Variants in CBR4 observed in about 807,000 individuals in gnomAD.
CBR4 encodes the protein carbonyl reductase 4, also known as 3-oxoacyl-[acyl-carrier-protein] reductase.
A neutral mutation model predicts 21.0 loss-of-function variants in CBR4; 22 were observed. The ratio of observed to expected loss-of-function variants is 1.05; its 90% CI spans 0.75 to 1.50. CBR4 has a LOEUF of 1.50. Among genes scored for constraint, CBR4 ranks in the 40% most tolerant of loss-of-function variants. The probability of loss-of-function intolerance (pLI) is 0.00; values close to 1 mark genes in which losing one functional copy is unlikely to be tolerated. For missense variants in CBR4, 302 were observed against 286.3 expected, an observed-to-expected ratio of 1.05 and a Z score of -0.40; for synonymous variants, 100 against 104.4, an observed-to-expected ratio of 0.96 and a Z score of 0.26.
chr4:168,985,733 T>C (rs1378121046), downstream of CBR4, among the ~76,000 whole-genome samples: 4 of 152,276 alleles, frequency 2.6e-5, 1 homozygote, highest in South Asian at 6.2e-4. Context: ...ATCATGACCT[T>C]TGCAGCAACA....
chr4:169,006,975 G>T, intron 2 of CBR4, 84 bp from the exon 3 acceptor site: 2 of 1,091,354 alleles, frequency 1.8e-6, no homozygotes, highest in Non-Finnish European at 1.4e-6. Context: ...TTTTTACTGA[G>T]AGTGCAAGAA....
At chr4:168,944,315 A>G (rs900065990) in intron 2 of CBR4, among the ~76,000 whole-genome samples, 7 of 151,808 alleles carry the variant, frequency 4.6e-5, no homozygotes, top group African/African-American at 1.7e-4. Context: ...AAAATAAAAA[A>G]TAAATAAATT....
At chr4:168,972,036 G>A (rs1560971243) in intron 2 of CBR4, among the ~76,000 whole-genome samples, 1 of 152,152 alleles carries the variant, frequency 6.6e-6, no homozygotes, top group Non-Finnish European at 1.5e-5. Flanking sequence ...ACCATTTGTT[G>A]AATAGGGTGT....
At chr4:168,929,148 AAAGG>A (rs1762879792) in intron 2 of CBR4, among the ~76,000 whole-genome samples, 1 of 152,180 alleles carries the variant, frequency 6.6e-6, no homozygotes, top group African/African-American at 2.4e-5. Flanking sequence ...AGTGAGGGGA[AAAGG>A]AAGAAAGTAA....
intron 2 of CBR4, among the ~76,000 whole-genome samples, chr4:168,972,652 T>G (rs1317853284): frequency 6.6e-6 from 1 of 152,234 alleles, no homozygotes; most frequent in Non-Finnish European, 1.5e-5. Context: ...CTTTACTGAG[T>G]TCATTATCAG....
chr4:168,939,971 C>T (rs1028372133), intron 2 of CBR4, among the ~76,000 whole-genome samples: 7 of 151,902 alleles, frequency 4.6e-5, no homozygotes, highest in South Asian at 2.1e-4. Flanking sequence ...AAAAAGAGCC[C>T]GCATAGACAA....
chr4:168,916,272 C>A (rs968331227), intron 2 of CBR4, among the ~76,000 whole-genome samples: 8 of 151,982 alleles, frequency 5.3e-5, no homozygotes, highest in African/African-American at 1.9e-4. Flanking sequence ...GTTAGCCAGG[C>A]GTGGTGGCGT....
At chr4:168,925,208 G>GCTCT (rs536545858) in intron 2 of CBR4, 2 of 1,583,056 alleles carry the variant, frequency 1.3e-6, no homozygotes, top group African/African-American at 2.7e-5. Context: ...AATTCATATT[G>GCTCT]CTCTCTCTCT....
rs60552620 is a variant in CBR4 at position 169,002,212 on chromosome 4, C to CAAAAAAAAAAAAAAAAAAA, written c.401-26_401-8dup. The CAAAAAAAAAAAAAAAAAAA allele has an allele frequency of 1.4e-6, 1 of 737,132 alleles. No individual in the cohort carries two copies. The highest frequency in any genetic ancestry group is 3.0e-5 in the African/African-American group (1 of 32,994). 45.7% of individuals were successfully genotyped at this position (737,132 alleles called of 1,614,324 possible). A position where few individuals can be genotyped will look rare whatever the true frequency, so the allele number is the denominator to read the frequency against. On this transcript the variant is annotated splice_region_variant and splice_polypyrimidine_tract_variant and intron_variant, in intron 3 of 4. Coordinates refer to ENST00000306193, the MANE Select transcript of CBR4 (RefSeq NM_032783.5). ...TTTAAGCCAACAATGCTTCCTAGGA[C>CAAAAAAAAAAAAAAAAAAA]AAAAAAAAAAAAAAAAAAAAAAAAA...
chr4:168,947,817 G>A (rs1763434173), intron 2 of CBR4, among the ~76,000 whole-genome samples: 1 of 152,148 alleles, frequency 6.6e-6, no homozygotes, highest in South Asian at 2.1e-4. Context: ...TTTTGCAATT[G>A]TGAATTATGC....
downstream of CBR4, among the ~76,000 whole-genome samples, chr4:168,986,368 G>T (rs1232168106): frequency 6.6e-6 from 1 of 152,170 alleles, no homozygotes; most frequent in Non-Finnish European, 1.5e-5. Flanking sequence ...TTGCCTCAGA[G>T]AAGCCATTCC....
intron 2 of CBR4, among the ~76,000 whole-genome samples, chr4:168,945,589 A>G (rs1238395314): frequency 6.6e-6 from 1 of 152,026 alleles, no homozygotes; most frequent in Non-Finnish European, 1.5e-5. Flanking sequence ...ATGCTGGATA[A>G]TATCACTAGA....
rs1202155225 is a variant in CBR4 at position 168,987,642 on chromosome 4, C to G, written c.*2508G>C. The G allele has an allele frequency of 4.4e-5, 42 of 959,796 alleles. No individual in the cohort carries two copies. In the South Asian group the frequency reaches 4.8e-4, roughly 11 times the overall value. 59.5% of individuals were successfully genotyped at this position (959,796 alleles called of 1,614,324 possible). A position where few individuals can be genotyped will look rare whatever the true frequency, so the allele number is the denominator to read the frequency against. Reference sequence around the variant, plus strand: ...GAACAGTTTGTTTACCAAGTTAGGACAGTGGTTATGATTTCTCAATTTACA... The same window carrying G: ...GAACAGTTTGTTTACCAAGTTAGGAGAGTGGTTATGATTTCTCAATTTACA... On this transcript the variant is annotated 3_prime_UTR_variant, in exon 5 of 5. Transcript: ENST00000306193.
Position 169,007,544 on chromosome 4 carries a change from AATAAAC to A in CBR4, c.263+86_263+91del, listed in dbSNP as rs558395902. On this transcript the variant is annotated intron_variant, in intron 2 of 4. Transcript: ENST00000306193. ...AGTTTTTTCTCCCAGTTAGAAGCAA[AATAAAC>A]ATATTAACTTATACCAATCAAAGAC... 55 of 759,780 alleles carry A rather than the reference AATAAAC, an allele frequency of 7.2e-5. No homozygotes were observed. In the African/African-American group the frequency reaches 9.5e-4, roughly 13 times the overall value. 47.1% of individuals were successfully genotyped at this position (759,780 alleles called of 1,614,324 possible). A position where few individuals can be genotyped will look rare whatever the true frequency, so the allele number is the denominator to read the frequency against.
In CBR4 at chr4:169,002,210, GACAAAAAAAA is replaced by G. The variant is rs1730507759; in HGVS notation, c.401-15_401-6del. 2 of 586,630 alleles carry G rather than the reference GACAAAAAAAA, an allele frequency of 3.4e-6. No individual in the cohort carries two copies. The highest frequency in any genetic ancestry group is 4.2e-6 in the Non-Finnish European group (2 of 476,282). The allele number at this position is 586,630 out of a possible 1,614,324, so 36.3% of individuals were successfully genotyped here. A position where few individuals can be genotyped will look rare whatever the true frequency, so the allele number is the denominator to read the frequency against. ...CTTTTAAGCCAACAATGCTTCCTAG[GACAAAAAAAA>G]AAAAAAAAAAAAAAAAAGCGTATTA... On this transcript the variant is annotated splice_region_variant and splice_polypyrimidine_tract_variant and intron_variant, in intron 3 of 4. Coordinates refer to ENST00000306193, the MANE Select transcript of CBR4 (RefSeq NM_032783.5).
intron 2 of CBR4, among the ~76,000 whole-genome samples, chr4:168,913,419 G>A (rs961381871): frequency 6.6e-6 from 1 of 152,072 alleles, no homozygotes; most frequent in Admixed American, 6.6e-5. Flanking sequence ...TTACAGGCAT[G>A]AGCCATCGTG....
intron 4 of CBR4, among the ~76,000 whole-genome samples, chr4:168,992,446 T>C (rs1055423768): frequency 1.3e-5 from 2 of 152,160 alleles, no homozygotes; most frequent in Non-Finnish European, 2.9e-5. Flanking sequence ...CTTCCCACTA[T>C]GAAATCTATG....
intron 2 of CBR4, among the ~76,000 whole-genome samples, chr4:168,942,242 G>A (rs1478836204): frequency 6.6e-6 from 1 of 151,468 alleles, no homozygotes; most frequent in African/African-American, 2.4e-5. Flanking sequence ...GGGGGGTGGG[G>A]AGCAAGGGGA....
Position 169,002,127 on chromosome 4 carries a change from C to T in CBR4, c.479G>A (p.Arg160His), listed in dbSNP as rs1396823654. ...TCTTGCTACCTCTTTAGCAAGAGCA[C>T]GTGAAAATCCAACTAATCCTCCTTT... The part of the protein sequence containing the change: ...ASKGGLVGFS[R>H]ALAKEVARKK... The change falls in exon 4 of 5, where the codon CGT (arginine) becomes CAT (histidine). Residue 160 changes from arginine (R) to histidine (H), a missense_variant. By Grantham distance (29) the Arg-to-His change is conservative. Transcript: ENST00000306193. 8 of 1,592,938 alleles carry T rather than the reference C, an allele frequency of 5.0e-6. No individual in the cohort carries two copies. Among genetic ancestry groups the T allele is most frequent in the Non-Finnish European group, 6.0e-6 (7 of 1,172,168 alleles).
Sources: gnomAD v4.1 joint callset for allele counts (sites outside exome capture counted in the v4.1 genomes callset) on GRCh38, gnomAD v4.1.1 for gene constraint, MANE v1.5 for transcripts, NCBI Gene and HGNC (gene_info 2026-07-23, HGNC 2026-07-21) for gene names.